The following ZNF487 variants were observed in gnomAD, a reference collection of about 807,000 sequenced individuals.
The protein encoded by ZNF487 is zinc finger protein 487.
A neutral mutation model predicts 3.0 loss-of-function variants in ZNF487; 4 were observed. The observed-to-expected ratio is 1.35, with a 90% CI of 0.66 to 3.08. The LOEUF (loss-of-function observed/expected upper bound fraction) is 3.08. ZNF487 is among the 30% of genes most tolerant of loss of function. The pLI is 0.01. For synonymous variants in ZNF487, 55 were observed against 34.6 expected, an observed-to-expected ratio of 1.59 and a Z score of -2.06; for missense variants, 146 against 98.7, an observed-to-expected ratio of 1.48 and a Z score of -2.03.
chr10:43,448,204 T>A (rs1000729511), intron 1 of ZNF487, among the ~76,000 whole-genome samples: 10 of 152,026 alleles, frequency 6.6e-5, no homozygotes, highest in Middle Eastern at 3.4e-3. Flanking sequence ...TTGGCCAGGA[T>A]GGTCTCGATC....
At chr10:43,445,634 TTTC>T (rs1302455538) in intron 1 of ZNF487, among the ~76,000 whole-genome samples, 149 of 146,150 alleles carry the variant, frequency 1.0e-3, no homozygotes, top group African/African-American at 3.9e-3. Context: ...ATTATGACAT[TTTC>T]TTTTTTTTTT....
rs141912402 is a variant in ZNF487 at position 43,441,885 on chromosome 10, C to T, written c.-94+4623C>T. ...TACAGGCGTGAGCCACCATGCCCAG[C>T]CTTCCCCTGTCTTTACATATAAATT... On this transcript the variant is annotated intron_variant, in intron 1 of 3. Transcript: ENST00000437590. Among the ~76,000 whole-genome samples the T allele has an allele frequency of 2.9e-4, 44 of 152,324 alleles. No homozygotes were observed. The East Asian group carries it at 7.1e-3, about 25-fold the overall frequency.
At chr10:43,441,034 ATTTTTTTT>A (rs763451709) in intron 1 of ZNF487, among the ~76,000 whole-genome samples, 481 of 44,536 alleles carry the variant, frequency 0.011, 5 homozygotes, top group African/African-American at 0.047. Context: ...ACCTGGTTAA[ATTTTTTTT>A]TTTTTTTTTT....
At chr10:43,522,512 T>C in the ZNF487 span, among the ~76,000 whole-genome samples, 2 of 152,082 alleles carry the variant, frequency 1.3e-5, no homozygotes, top group East Asian at 3.9e-4. Flanking sequence ...GGTGGTAGGT[T>C]TACCTGAGGT....
the ZNF487 span, among the ~76,000 whole-genome samples, chr10:43,505,575 G>A: frequency 6.6e-6 from 1 of 151,304 alleles, no homozygotes; most frequent in Non-Finnish European, 1.5e-5. Context: ...GAGCCACCAC[G>A]CCTGGTCCAT....
intron 3 of ZNF487, among the ~76,000 whole-genome samples, chr10:43,480,649 C>G (rs1841316789): frequency 6.6e-6 from 1 of 151,664 alleles, no homozygotes; most frequent in Admixed American, 6.6e-5. Context: ...CGCTTGACTT[C>G]AGGTGATCCA....
intron 1 of ZNF487, among the ~76,000 whole-genome samples, chr10:43,448,971 G>A (rs1280223636): frequency 2.0e-5 from 3 of 148,610 alleles, no homozygotes; most frequent in African/African-American, 5.0e-5. Context: ...TCCAGGCTGG[G>A]TGACAGAGTA....
the ZNF487 span, among the ~76,000 whole-genome samples, chr10:43,490,085 A>C: frequency 1.3e-5 from 2 of 152,232 alleles, no homozygotes; most frequent in African/African-American, 4.8e-5. Flanking sequence ...GTGGTGGCTC[A>C]TGCCTATAAT....
chr10:43,462,148 T>A (rs1207866691), intron 1 of ZNF487, among the ~76,000 whole-genome samples: 1 of 152,152 alleles, frequency 6.6e-6, no homozygotes, highest in African/African-American at 2.4e-5. Context: ...AGTGAATTAC[T>A]CTTTCTGTTT....
intron 1 of ZNF487, among the ~76,000 whole-genome samples, chr10:43,473,157 G>C (rs1211401970): frequency 6.6e-6 from 1 of 150,562 alleles, no homozygotes; most frequent in African/African-American, 2.4e-5. Context: ...CCCCAGACTG[G>C]AGTGCAGTGG....
chr10:43,492,477 A>G, the ZNF487 span, among the ~76,000 whole-genome samples: 1 of 151,138 alleles, frequency 6.6e-6, no homozygotes, highest in East Asian at 1.9e-4. Context: ...TTTGAGATGG[A>G]GTCTCGCTCT....
the ZNF487 span, among the ~76,000 whole-genome samples, chr10:43,493,704 AAAAAAATATATATATAT>A: frequency 2.5e-5 from 2 of 80,870 alleles, no homozygotes; most frequent in Admixed American, 1.5e-4. Context: ...AGAAAAAAAA[AAAAAAATATATATATAT>A]ATATATATAT....
At position 43,482,716 on chromosome 10, in the gene ZNF487, A is replaced by T; in HGVS notation, c.*794A>T. On this transcript the variant is annotated 3_prime_UTR_variant, in exon 4 of 4. Transcript: ENST00000437590. ...TCCCAGAAGCCAAACTTCATTAATC[A>T]TCAGTGAACTCACACAGGAGAGAGA... 2.1e-6 allele frequency: 1 copy of T among 465,946 alleles called. No individual in the cohort carries two copies. The highest frequency in any genetic ancestry group is 4.4e-6 in the Non-Finnish European group (1 of 228,970). The allele number at this position is 465,946 out of a possible 1,614,324, so 28.9% of individuals were successfully genotyped here. A position where few individuals can be genotyped will look rare whatever the true frequency, so the allele number is the denominator to read the frequency against.
intron 1 of ZNF487, among the ~76,000 whole-genome samples, chr10:43,446,400 C>T (rs559623788): frequency 1.9e-4 from 28 of 150,684 alleles, no homozygotes; most frequent in African/African-American, 4.2e-4. Context: ...ACTTCTCAGA[C>T]GGGGCGGCCG....
At chr10:43,515,921 G>A in the ZNF487 span, among the ~76,000 whole-genome samples, 3 of 152,022 alleles carry the variant, frequency 2.0e-5, no homozygotes, top group East Asian at 3.9e-4. Flanking sequence ...ACTACAGGGC[G>A]CACCACCACA....
chr10:43,465,738 A>T (rs1840671160), intron 1 of ZNF487, among the ~76,000 whole-genome samples: 1 of 149,554 alleles, frequency 6.7e-6, no homozygotes, highest in South Asian at 2.1e-4. Flanking sequence ...CTCACATCCC[A>T]GACGATGGGC....
the ZNF487 span, among the ~76,000 whole-genome samples, chr10:43,518,217 C>A: frequency 6.6e-6 from 1 of 152,110 alleles, no homozygotes; most frequent in Non-Finnish European, 1.5e-5. Flanking sequence ...TGATAGTGAC[C>A]AAGGCACTTC....
chr10:43,493,708 AAATATATATATAT>A, the ZNF487 span, among the ~76,000 whole-genome samples: 11,024 of 43,848 alleles, frequency 0.25, 1,210 homozygotes, highest in East Asian at 0.36. Context: ...AAAAAAAAAA[AAATATATATATAT>A]ATATATATAT....
the ZNF487 span, among the ~76,000 whole-genome samples, chr10:43,514,301 T>C: frequency 6.0e-4 from 91 of 152,086 alleles, 3 homozygotes; most frequent in Non-Finnish European, 3.4e-4. Context: ...CCACCATGCC[T>C]GGCTAATTTT....
Sources: allele counts gnomAD v4.1 joint callset (sites outside exome capture counted in the v4.1 genomes callset), GRCh38; gene constraint gnomAD v4.1.1; transcripts MANE v1.5; gene names NCBI Gene and HGNC (gene_info 2026-07-23, HGNC 2026-07-21).